The following RAB38 variants were observed in gnomAD, a reference collection of about 807,000 sequenced individuals.
RAB38 encodes the protein RAB38, member RAS oncogene family.
In RAB38, 15 loss-of-function variants were observed where a neutral mutation model predicts 18.4. That is an observed-to-expected ratio of 0.82 (90% CI 0.55 to 1.26). The LOEUF is 1.26. Ranked by LOEUF, RAB38 falls within the 50% of genes most tolerant of loss-of-function variation. The probability of loss-of-function intolerance (pLI) is 0.00; values close to 1 mark genes in which losing one functional copy is unlikely to be tolerated. For synonymous variants in RAB38, 101 were observed against 104.4 expected (o/e 0.97, Z 0.20); for missense variants, 294 against 267.4 (o/e 1.10, Z -0.69).
In RAB38 at chr11:88,137,704, G is replaced by C. The variant is rs144727573; in HGVS notation, c.483+11971C>G. 8.3e-3 allele frequency among the ~76,000 whole-genome samples: 1,270 copies of C among 152,202 alleles called. 18 individuals carry two copies. Among genetic ancestry groups the C allele is most frequent in the Non-Finnish European group, 9.7e-3 (660 of 68,002 alleles). ...TTTGTAAGTTGAAAGAGCTTACAAA[G>C]GGCCCAGAACAATAAATGAACAAAG... On this transcript the variant is annotated intron_variant, in intron 2 of 2. Transcript: ENST00000243662.
the RAB38 span, among the ~76,000 whole-genome samples, chr11:87,935,259 A>G: frequency 6.6e-6 from 1 of 152,042 alleles, no homozygotes; most frequent in Non-Finnish European, 1.5e-5. Context: ...GGCTCTTCCA[A>G]TATGCTCCTG....
chr11:87,950,764 C>G, the RAB38 span, among the ~76,000 whole-genome samples: 3 of 139,422 alleles, frequency 2.2e-5, no homozygotes, highest in African/African-American at 7.7e-5. Flanking sequence ...AGCTGTTAGT[C>G]TGATGGCCTT....
chr11:87,833,913 A>AT, the RAB38 span, among the ~76,000 whole-genome samples: 1 of 152,238 alleles, frequency 6.6e-6, no homozygotes, highest in South Asian at 2.1e-4. Context: ...TGCAGTTGCA[A>AT]TTAAGGTTAT....
chr11:87,943,183 T>G, the RAB38 span, among the ~76,000 whole-genome samples: 4 of 152,182 alleles, frequency 2.6e-5, no homozygotes, highest in African/African-American at 9.6e-5. Flanking sequence ...TGGAGATGTC[T>G]CTAAATTTAA....
At chr11:88,036,491 A>T in the RAB38 span, among the ~76,000 whole-genome samples, 3 of 152,140 alleles carry the variant, frequency 2.0e-5, no homozygotes, top group Non-Finnish European at 4.4e-5. Context: ...TTCATCCTAC[A>T]GTACAAAAAC....
At chr11:87,889,985 T>C in the RAB38 span, among the ~76,000 whole-genome samples, 1 of 151,818 alleles carries the variant, frequency 6.6e-6, no homozygotes, top group African/African-American at 2.4e-5. Flanking sequence ...ACATTATAAA[T>C]GATAGAATAT....
chr11:87,967,778 TTTC>T, the RAB38 span, among the ~76,000 whole-genome samples: 2 of 152,282 alleles, frequency 1.3e-5, no homozygotes, highest in African/African-American at 2.4e-5. Context: ...CTCATCTCAG[TTTC>T]TTCTTTTCTC....
the RAB38 span, among the ~76,000 whole-genome samples, chr11:87,913,434 T>C: frequency 6.6e-6 from 1 of 152,180 alleles, no homozygotes; most frequent in African/African-American, 2.4e-5. Flanking sequence ...TTTGATTAAG[T>C]AACCCCTGAA....
chr11:87,805,070 T>G, the RAB38 span, among the ~76,000 whole-genome samples: 3 of 152,184 alleles, frequency 2.0e-5, no homozygotes, highest in Admixed American at 6.6e-5. Context: ...CTCTGTGTTC[T>G]AAGCAATATA....
chr11:88,101,217 G>A, the RAB38 span, among the ~76,000 whole-genome samples: 2 of 151,956 alleles, frequency 1.3e-5, no homozygotes, highest in Admixed American at 1.3e-4. Flanking sequence ...AATGACGGAA[G>A]TGGAAATTAA....
the RAB38 span, among the ~76,000 whole-genome samples, chr11:87,931,156 G>C: frequency 6.9e-3 from 1,052 of 152,178 alleles, 9 homozygotes; most frequent in African/African-American, 0.02. Flanking sequence ...ACCTTGGGCA[G>C]TATGGCCATT....
chr11:88,004,531 T>A, the RAB38 span, among the ~76,000 whole-genome samples: 95,758 of 150,836 alleles, frequency 0.63, 30,602 homozygotes, highest in East Asian at 0.73. Context: ...CTTATATCAC[T>A]CTTAATGGTG....
At chr11:88,015,228 C>A in the RAB38 span, among the ~76,000 whole-genome samples, 2 of 152,086 alleles carry the variant, frequency 1.3e-5, no homozygotes, top group Non-Finnish European at 1.5e-5. Context: ...AAATGAGAAG[C>A]TTTAGCTTTT....
the RAB38 span, among the ~76,000 whole-genome samples, chr11:88,026,223 G>A: frequency 6.6e-6 from 1 of 152,046 alleles, no homozygotes. Context: ...AAATAGATTA[G>A]TGGTTGCCAG....
downstream of RAB38, among the ~76,000 whole-genome samples, chr11:88,110,162 T>C (rs928829257): frequency 6.6e-6 from 1 of 152,160 alleles, no homozygotes; most frequent in African/African-American, 2.4e-5. Context: ...ATGTGGCACA[T>C]ATATACCACG....
intron 1 of RAB38, among the ~76,000 whole-genome samples, chr11:88,160,262 A>G (rs557791305): frequency 1.1e-4 from 16 of 152,116 alleles, no homozygotes; most frequent in Non-Finnish European, 1.8e-4. Context: ...GCAAATCAAA[A>G]CTACTATTTG....
At chr11:88,079,255 A>G in the RAB38 span, among the ~76,000 whole-genome samples, 2,509 of 151,942 alleles carry the variant, frequency 0.017, 58 homozygotes, top group African/African-American at 0.056. Context: ...CAGCATTATA[A>G]GTCCAACAGA....
the RAB38 span, among the ~76,000 whole-genome samples, chr11:87,807,352 T>C: frequency 6.6e-6 from 1 of 152,230 alleles, no homozygotes; most frequent in East Asian, 1.9e-4. Flanking sequence ...GTAACTTACT[T>C]ACAGGACATC....
chr11:87,950,528 C>T, the RAB38 span, among the ~76,000 whole-genome samples: 7,511 of 152,048 alleles, frequency 0.049, 630 homozygotes, highest in African/African-American at 0.17. Context: ...TGGTACCAGT[C>T]GTTCCTTTCC....
Sources: gnomAD v4.1 joint callset for allele counts (sites outside exome capture counted in the v4.1 genomes callset) on GRCh38, gnomAD v4.1.1 for gene constraint, MANE v1.5 for transcripts, NCBI Gene and HGNC (gene_info 2026-07-23, HGNC 2026-07-21) for gene names.